Variants in NRXN3 observed in about 807,000 individuals in gnomAD.
The protein encoded by NRXN3 is neurexin III.
NRXN3 carries 32 observed loss-of-function variants against 137.6 expected under a neutral mutation model. That is an observed-to-expected ratio of 0.23 (90% CI 0.18 to 0.31). The LOEUF (loss-of-function observed/expected upper bound fraction) is 0.31. Among genes scored for constraint, NRXN3 ranks in the 10% least tolerant of loss-of-function variants. The pLI, the probability that NRXN3 is intolerant of heterozygous loss-of-function variation, is 1.00. For synonymous variants in NRXN3, 798 were observed against 784.5 expected, an observed-to-expected ratio of 1.02 and a Z score of -0.29; for missense variants, 1,574 against 2,062.5, an observed-to-expected ratio of 0.76 and a Z score of 4.59.
Position 79,797,398 on chromosome 14 carries a change from G to T in NRXN3, c.4015-7714G>T, listed in dbSNP as rs190087767. Among the ~76,000 whole-genome samples the T allele has an allele frequency of 5.5e-4, 84 of 152,250 alleles. 1 individual carries two copies. Among genetic ancestry groups the T allele is most frequent in the Admixed American group, 5.5e-3 (84 of 15,292 alleles). On this transcript the variant is annotated intron_variant, in intron 19 of 20. Transcript: ENST00000335750. ...GTAAGACAGTTTTAAAATTCACAGG[G>T]TGTTGTTCCAATCGAAATACTTAAG...
At chr14:78,264,767 G>T (rs1281326059) in intron 2 of NRXN3, among the ~76,000 whole-genome samples, 1 of 152,210 alleles carries the variant, frequency 6.6e-6, no homozygotes, top group Non-Finnish European at 1.5e-5. Flanking sequence ...TTTATCAGGG[G>T]ATTTGTTTGA....
chr14:78,813,801 C>A (rs1447831760), intron 10 of NRXN3, among the ~76,000 whole-genome samples: 1 of 152,020 alleles, frequency 6.6e-6, no homozygotes, highest in East Asian at 1.9e-4. Flanking sequence ...AATCAATGGG[C>A]CATGAGAGAG....
intron 15 of NRXN3, among the ~76,000 whole-genome samples, chr14:79,046,403 A>C (rs1044466662): frequency 6.6e-6 from 1 of 152,212 alleles, no homozygotes; most frequent in Non-Finnish European, 1.5e-5. Context: ...GCAAGGAGTA[A>C]GTATGCTTGT....
intron 15 of NRXN3, among the ~76,000 whole-genome samples, chr14:79,130,972 G>A (rs1487815938): frequency 2.0e-5 from 3 of 151,890 alleles, no homozygotes; most frequent in Non-Finnish European, 2.9e-5. Flanking sequence ...TGATCGCATC[G>A]GCTCCTGAGG....
intron 19 of NRXN3, among the ~76,000 whole-genome samples, chr14:79,783,170 C>T (rs142088577): frequency 6.6e-6 from 1 of 152,054 alleles, no homozygotes; most frequent in Admixed American, 6.6e-5. Flanking sequence ...GGTGTCTGGC[C>T]CTCTGTGGAT....
At chr14:79,190,840 A>G (rs1279047536) in intron 15 of NRXN3, among the ~76,000 whole-genome samples, 1 of 152,216 alleles carries the variant, frequency 6.6e-6, no homozygotes, top group Non-Finnish European at 1.5e-5. Context: ...AGGAGAACAT[A>G]TAGGCATTAT....
At chr14:79,044,315 G>C (rs1311721785) in intron 15 of NRXN3, among the ~76,000 whole-genome samples, 1 of 152,162 alleles carries the variant, frequency 6.6e-6, no homozygotes, top group African/African-American at 2.4e-5. Flanking sequence ...TTGAGCCAGA[G>C]TTCCCTGAGT....
chr14:79,476,456 A>T (rs749728289), intron 16 of NRXN3, among the ~76,000 whole-genome samples: 1 of 152,108 alleles, frequency 6.6e-6, no homozygotes, highest in African/African-American at 2.4e-5. Context: ...CCTGAAATCA[A>T]TTCATACTCA....
At chr14:78,956,871 G>A (rs1002822671) in intron 10 of NRXN3, among the ~76,000 whole-genome samples, 2 of 152,136 alleles carry the variant, frequency 1.3e-5, no homozygotes, top group Non-Finnish European at 2.9e-5. Flanking sequence ...AAAATACTAT[G>A]GTAAATTTCC....
chr14:78,547,490 TTA>T (rs2096647843), intron 4 of NRXN3, among the ~76,000 whole-genome samples: 1 of 152,128 alleles, frequency 6.6e-6, no homozygotes, highest in African/African-American at 2.4e-5. Flanking sequence ...TATGTATAAT[TTA>T]TGTTTATTTT....
intron 10 of NRXN3, among the ~76,000 whole-genome samples, chr14:78,842,625 A>G (rs537109410): frequency 3.2e-4 from 49 of 152,248 alleles, no homozygotes; most frequent in African/African-American, 1.1e-3. Flanking sequence ...TCTGACTAAA[A>G]TTTATTAGGT....
intron 4 of NRXN3, among the ~76,000 whole-genome samples, chr14:78,426,369 G>C (rs78040267): frequency 4.6e-5 from 7 of 152,182 alleles, no homozygotes; most frequent in Non-Finnish European, 7.3e-5. Context: ...GCATTGAAGG[G>C]GATCTCACTG....
At chr14:78,501,657 A>C (rs768708900) in intron 4 of NRXN3, among the ~76,000 whole-genome samples, 36 of 152,176 alleles carry the variant, frequency 2.4e-4, no homozygotes, top group Non-Finnish European at 4.4e-4. Flanking sequence ...TACCATGGGC[A>C]GAAGGACATT....
intron 15 of NRXN3, among the ~76,000 whole-genome samples, chr14:79,123,616 G>A (rs2055871521): frequency 6.6e-6 from 1 of 152,102 alleles, no homozygotes; most frequent in South Asian, 2.1e-4. Flanking sequence ...AAATCTAGAG[G>A]AAAGAGAGGT....
intron 4 of NRXN3, among the ~76,000 whole-genome samples, chr14:78,387,412 C>T (rs2090130326): frequency 1.3e-5 from 2 of 152,072 alleles, no homozygotes; most frequent in South Asian, 4.2e-4. Context: ...CTTGGGGTGA[C>T]CTTAAATAAG....
intron 15 of NRXN3, among the ~76,000 whole-genome samples, chr14:79,335,218 T>C (rs1302588347): frequency 6.6e-6 from 1 of 151,980 alleles, no homozygotes; most frequent in African/African-American, 2.4e-5. Context: ...AAAGATTTTT[T>C]ATTGTAAAGA....
intron 15 of NRXN3, among the ~76,000 whole-genome samples, chr14:79,051,672 G>A (rs1242023676): frequency 6.6e-6 from 1 of 152,136 alleles, no homozygotes; most frequent in Non-Finnish European, 1.5e-5. Context: ...AGAAAGAACT[G>A]GCCTTTCTCC....
chr14:79,168,989 C>T (rs189575865), intron 15 of NRXN3, among the ~76,000 whole-genome samples: 22 of 152,134 alleles, frequency 1.4e-4, no homozygotes, highest in African/African-American at 5.3e-4. Flanking sequence ...GAACATAGCA[C>T]ATGAAAGAAT....
intron 19 of NRXN3, among the ~76,000 whole-genome samples, chr14:79,755,408 A>T (rs184000966): frequency 6.6e-6 from 1 of 152,096 alleles, no homozygotes; most frequent in African/African-American, 2.4e-5. Context: ...TTAGAACATA[A>T]CCTAGATTCC....
Sources: allele counts gnomAD v4.1 joint callset (sites outside exome capture counted in the v4.1 genomes callset), GRCh38; gene constraint gnomAD v4.1.1; transcripts MANE v1.5; gene names NCBI Gene and HGNC (gene_info 2026-07-23, HGNC 2026-07-21).